The following LEKR1 variants were observed in gnomAD, a reference collection of about 807,000 sequenced individuals.
LEKR1 encodes the protein protein LEKR1.
LEKR1 carries 59 observed loss-of-function variants against 72.4 expected under a neutral mutation model. The ratio of observed to expected loss-of-function variants is 0.82; its 90% confidence interval spans 0.66 to 1.01. LEKR1 has a LOEUF of 1.01. LEKR1 is among the 50% of genes least tolerant of loss of function. The pLI, the probability that LEKR1 is intolerant of heterozygous loss-of-function variation, is 0.00. For synonymous variants in LEKR1, 257 were observed against 263.2 expected (o/e 0.98, Z 0.23); for missense variants, 728 against 759.2 (o/e 0.96, Z 0.48).
intron 9 of LEKR1, among the ~76,000 whole-genome samples, chr3:156,999,137 G>C (rs1731819854): frequency 6.6e-6 from 1 of 152,108 alleles, no homozygotes. Flanking sequence ...ATGATTGTAA[G>C]TTTCCTGAGG....
At chr3:156,980,846 G>C (rs951903384) in intron 7 of LEKR1, among the ~76,000 whole-genome samples, 1 of 152,152 alleles carries the variant, frequency 6.6e-6, no homozygotes, top group Non-Finnish European at 1.5e-5. Flanking sequence ...TGAAGAAAAG[G>C]AATAAACTTA....
Position 156,960,578 on chromosome 3 carries a change from G to T in LEKR1, c.745+17864G>T, listed in dbSNP as rs972825907. The stretch of plus-strand genomic sequence containing the variant: ...TGGGATTACAGGCGTGAGCCACCAT[G>T]CCTGGCCCAAGCATACGGTTTTTAT... On this transcript the variant is annotated intron_variant, in intron 6 of 12. Transcript: ENST00000356539. Among the ~76,000 whole-genome samples the T allele has an allele frequency of 3.3e-5, 5 of 152,158 alleles. 1 individual carries two copies. The highest frequency in any genetic ancestry group is 3.3e-4 in the Admixed American group (5 of 15,274).
intron 3 of LEKR1, among the ~76,000 whole-genome samples, chr3:156,860,508 G>T (rs529908204): frequency 6.6e-6 from 1 of 152,284 alleles, no homozygotes; most frequent in African/African-American, 2.4e-5. Flanking sequence ...GCTACCTAAG[G>T]TAGGTACCAA....
chr3:157,031,912 G>A (rs1734638864), intron 12 of LEKR1, among the ~76,000 whole-genome samples: 1 of 152,094 alleles, frequency 6.6e-6, no homozygotes, highest in Non-Finnish European at 1.5e-5. Flanking sequence ...GGGATTATTG[G>A]AGGGCATCCC....
intron 1 of LEKR1, among the ~76,000 whole-genome samples, chr3:156,827,491 C>A (rs1711778437): frequency 6.6e-6 from 1 of 152,198 alleles, no homozygotes; most frequent in Non-Finnish European, 1.5e-5. Flanking sequence ...CTATGTTAAG[C>A]CCTCTTACAT....
At chr3:156,858,210 T>A (rs956558489) in intron 3 of LEKR1, among the ~76,000 whole-genome samples, 1 of 152,144 alleles carries the variant, frequency 6.6e-6, no homozygotes, top group African/African-American at 2.4e-5. Flanking sequence ...CATTTCTCTT[T>A]CCTTGAGTAG....
intron 3 of LEKR1, among the ~76,000 whole-genome samples, chr3:156,870,897 T>A (rs1410057100): frequency 6.6e-6 from 1 of 152,140 alleles, no homozygotes; most frequent in Non-Finnish European, 1.5e-5. Flanking sequence ...TTGAACTTTA[T>A]CAAATACTTT....
chr3:157,045,877 T>A lies in LEKR1; in HGVS notation c.*127T>A. 4.8e-6 allele frequency: 4 copies of A among 840,732 alleles called. No homozygotes were observed. The highest frequency in any genetic ancestry group is 7.2e-6 in the Non-Finnish European group (4 of 556,348). The allele number at this position is 840,732 out of a possible 1,614,324, so 52.1% of individuals were successfully genotyped here. A position where few individuals can be genotyped will look rare whatever the true frequency, so the allele number is the denominator to read the frequency against. On this transcript the variant is annotated 3_prime_UTR_variant, in exon 13 of 13. Transcript: ENST00000356539. ...CAGATCAGGAAGGCATACCTATAGA[T>A]GTATTTAACAAAAGACTGTAAAAAG...
At chr3:156,966,644 G>A (rs1431583188) in intron 6 of LEKR1, among the ~76,000 whole-genome samples, 2 of 152,180 alleles carry the variant, frequency 1.3e-5, no homozygotes, top group Admixed American at 6.5e-5. Context: ...CTCAAACTGA[G>A]TGAAGCCCAC....
At chr3:157,003,200 A>C (rs1287228126) in intron 9 of LEKR1, among the ~76,000 whole-genome samples, 1 of 151,878 alleles carries the variant, frequency 6.6e-6, no homozygotes, top group Non-Finnish European at 1.5e-5. Context: ...ATGACTAGAC[A>C]CATTTATTCT....
At chr3:156,953,871 TG>T (rs1727391608) in intron 6 of LEKR1, among the ~76,000 whole-genome samples, 1 of 152,048 alleles carries the variant, frequency 6.6e-6, no homozygotes, top group South Asian at 2.1e-4. Flanking sequence ...TATATTCCTC[TG>T]GGTATATACC....
chr3:157,045,791 TCTTTCAGAGA>T lies in LEKR1; in HGVS notation c.*42_*51del. 6.5e-7 allele frequency: 1 copy of T among 1,540,812 alleles called. No individual in the cohort carries two copies. On this transcript the variant is annotated 3_prime_UTR_variant, in exon 13 of 13. Coordinates refer to ENST00000356539, the MANE Select transcript of LEKR1 (RefSeq NM_001004316.3). Reference sequence around the variant, plus strand: ...AGGAAGCTCCCTACAGCGTGCACGCTCTTTCAGAGAGTGCCAGGAATTCACTGTAACTGAG... The same window carrying T: ...AGGAAGCTCCCTACAGCGTGCACGCTGTGCCAGGAATTCACTGTAACTGAG...
At chr3:156,987,752 GT>G (rs768201574) in intron 7 of LEKR1, among the ~76,000 whole-genome samples, 1 of 152,050 alleles carries the variant, frequency 6.6e-6, no homozygotes, top group Non-Finnish European at 1.5e-5. Context: ...GGGCTTTGGG[GT>G]TTTTTGTTTT....
chr3:156,980,638 T>C (rs1730112164), intron 7 of LEKR1, among the ~76,000 whole-genome samples: 1 of 152,102 alleles, frequency 6.6e-6, no homozygotes, highest in Admixed American at 6.6e-5. Flanking sequence ...GGATATCTCT[T>C]GTGGAAAGCA....
intron 3 of LEKR1, among the ~76,000 whole-genome samples, chr3:156,880,570 T>C (rs1719173995): frequency 6.6e-6 from 1 of 152,068 alleles, no homozygotes. Flanking sequence ...CTACCAGAGG[T>C]ACAAGGAGGA....
At chr3:156,914,106 G>A (rs1334551301) in intron 3 of LEKR1, among the ~76,000 whole-genome samples, 1 of 151,806 alleles carries the variant, frequency 6.6e-6, no homozygotes, top group Non-Finnish European at 1.5e-5. Flanking sequence ...CAGTTCCTTG[G>A]TATTCTCTAA....
At chr3:156,854,478 T>C (rs771027966) in intron 3 of LEKR1, among the ~76,000 whole-genome samples, 1 of 151,932 alleles carries the variant, frequency 6.6e-6, no homozygotes, top group Non-Finnish European at 1.5e-5. Context: ...GTGTATGTCT[T>C]GGTAGATCCT....
intron 12 of LEKR1, among the ~76,000 whole-genome samples, chr3:157,039,291 A>G (rs1370608531): frequency 6.6e-6 from 1 of 152,206 alleles, no homozygotes; most frequent in Non-Finnish European, 1.5e-5. Context: ...TGTAAACTCT[A>G]TTTTTAAAAA....
intron 5 of LEKR1, among the ~76,000 whole-genome samples, chr3:156,931,643 A>T (rs893874230): frequency 3.3e-5 from 5 of 152,204 alleles, no homozygotes; most frequent in Non-Finnish European, 5.9e-5. Context: ...AAAAGAAAAC[A>T]ATTGAATATA....
Sources: allele counts gnomAD v4.1 joint callset (sites outside exome capture counted in the v4.1 genomes callset), GRCh38; gene constraint gnomAD v4.1.1; transcripts MANE v1.5; gene names NCBI Gene and HGNC (gene_info 2026-07-23, HGNC 2026-07-21).